The following NTRK3 variants were observed in gnomAD, a reference collection of about 807,000 sequenced individuals.
NTRK3 encodes the protein neurotrophic receptor tyrosine kinase 3, also known as NT-3 growth factor receptor.
A neutral mutation model predicts 91.7 loss-of-function variants in NTRK3; 24 were observed. That is an observed-to-expected ratio of 0.26 (90% confidence interval 0.19 to 0.37). The LOEUF (loss-of-function observed/expected upper bound fraction) is 0.37, where lower values mean the gene tolerates loss of function less well. Among genes scored for constraint, NTRK3 ranks in the 10% least tolerant of loss-of-function variants. The probability of loss-of-function intolerance (pLI) is 1.00; values close to 1 mark genes in which losing one functional copy is unlikely to be tolerated. For missense variants in NTRK3, 880 were observed against 1,068.9 expected, an observed-to-expected ratio of 0.82 and a Z score of 2.46; for synonymous variants, 483 against 404.0, an observed-to-expected ratio of 1.20 and a Z score of -2.34.
At chr15:88,231,051 G>T (rs934554274) in intron 3 of NTRK3, among the ~76,000 whole-genome samples, 2 of 152,126 alleles carry the variant, frequency 1.3e-5, no homozygotes, top group African/African-American at 4.8e-5. Flanking sequence ...CTGATTAGAG[G>T]GAGGATGTCT....
chr15:88,009,529 T>C (rs1012808764), intron 14 of NTRK3, among the ~76,000 whole-genome samples: 2 of 152,184 alleles, frequency 1.3e-5, no homozygotes, highest in African/African-American at 4.8e-5. Flanking sequence ...AATGCAGAGA[T>C]TTTTTTGTGT....
At chr15:87,961,614 T>A (rs537515198) in intron 14 of NTRK3, among the ~76,000 whole-genome samples, 1 of 152,226 alleles carries the variant, frequency 6.6e-6, no homozygotes, top group East Asian at 1.9e-4. Context: ...GTAAGTCAGG[T>A]CTGAAGTGGG....
At chr15:88,147,460 C>A (rs931355063) in intron 5 of NTRK3, 57 bp from the exon 6 acceptor site, 2 of 1,413,106 alleles carry the variant, frequency 1.4e-6, no homozygotes, top group African/African-American at 2.8e-5. Flanking sequence ...AAATAATGCT[C>A]TAGGTAGTAA....
intron 13 of NTRK3, among the ~76,000 whole-genome samples, chr15:88,094,271 C>G (rs1217825293): frequency 2.6e-5 from 4 of 151,206 alleles, no homozygotes. Flanking sequence ...TCGAGACCAT[C>G]CTGGCTAACA....
chr15:88,124,958 A>G (rs1309312815), intron 13 of NTRK3, among the ~76,000 whole-genome samples: 1 of 152,230 alleles, frequency 6.6e-6, no homozygotes, highest in Non-Finnish European at 1.5e-5. Context: ...TTCTGGAAAC[A>G]GGGCACCCTG....
At position 88,125,165 on chromosome 15, in the gene NTRK3, A is replaced by G. The variant is rs2053152867; in HGVS notation, c.1396+1106T>C. Among the ~76,000 whole-genome samples, 4 of 152,302 alleles carry G rather than the reference A, an allele frequency of 2.6e-5. No homozygotes were observed. The South Asian group carries it at 8.3e-4, about 32-fold the overall frequency. The stretch of plus-strand genomic sequence containing the variant: ...ATCCTCTCTGGGTATTTCCCTATAT[A>G]TCAGTGTTCTGAATTTTCAAGGAGT... On this transcript the variant is annotated intron_variant, in intron 13 of 18. Coordinates refer to ENST00000394480, the Ensembl canonical transcript of NTRK3.
chr15:88,219,894 C>T (rs970333670), intron 3 of NTRK3, among the ~76,000 whole-genome samples: 1 of 152,220 alleles, frequency 6.6e-6, no homozygotes, highest in Admixed American at 6.5e-5. Flanking sequence ...TGCAAAATGG[C>T]TTGCCCAAGG....
At chr15:88,131,962 G>A (rs1008074582) in intron 10 of NTRK3, 1 of 202,964 alleles carries the variant, frequency 4.9e-6, no homozygotes, top group Non-Finnish European at 1.0e-5. Flanking sequence ...CATGAACTGG[G>A]GCTGTGCCAT....
At chr15:87,916,409 C>G in intron 17 of NTRK3, 1 of 659,244 alleles carries the variant, frequency 1.5e-6, no homozygotes, top group Non-Finnish European at 2.8e-6. Context: ...ACGTGAATGA[C>G]TCAACACCAG....
chr15:87,869,898 AAT>A (rs2064778174), exon 19 of NTRK3: 1 of 190,646 alleles, frequency 5.2e-6, no homozygotes, highest in African/African-American at 2.3e-5. Flanking sequence ...TTTTAAAAAT[AAT>A]ATGTGAAACT....
At chr15:87,881,590 T>G (rs1252548411) in intron 17 of NTRK3, among the ~76,000 whole-genome samples, 1 of 151,936 alleles carries the variant, frequency 6.6e-6, no homozygotes. Flanking sequence ...CGGCTAATTT[T>G]TTGTATTTTT....
At position 88,255,605 on chromosome 15, in the gene NTRK3, C is replaced by T. The variant is rs1054435666; in HGVS notation, c.248+301G>A. Among the ~76,000 whole-genome samples, 1 of 152,144 alleles carries T rather than the reference C, an allele frequency of 6.6e-6. No homozygotes were observed. Among genetic ancestry groups the T allele is most frequent in the East Asian group, 1.9e-4 (1 of 5,170 alleles). On this transcript the variant is annotated intron_variant, in intron 3 of 18. Transcript: ENST00000394480. This position sits in a 1 kb window ranked among gnomAD's most constrained non-coding sequence, Gnocchi z 4.3. ...AAAAAAACAATTTGCACCATCGAAA[C>T]GAGCCAGCAACTGGTTGGGAGGCGG...
At chr15:88,137,177 T>C (rs2041955209) in intron 7 of NTRK3, among the ~76,000 whole-genome samples, 1 of 152,232 alleles carries the variant, frequency 6.6e-6, no homozygotes, top group Non-Finnish European at 1.5e-5. Context: ...ATTTAACTCC[T>C]GTGTGAATTC....
At chr15:88,185,180 C>T (rs1233890863) in intron 3 of NTRK3, among the ~76,000 whole-genome samples, 1 of 152,194 alleles carries the variant, frequency 6.6e-6, no homozygotes, top group Non-Finnish European at 1.5e-5. Context: ...CTAGCAAGCA[C>T]ACTACATCTA....
intron 17 of NTRK3, among the ~76,000 whole-genome samples, chr15:87,912,073 A>C (rs1000421385): frequency 2.0e-5 from 3 of 152,206 alleles, no homozygotes; most frequent in African/African-American, 7.2e-5. Flanking sequence ...GTTTCACTGA[A>C]TCTGTGTTAC....
chr15:88,136,090 G>A, intron 8 of NTRK3, 50 bp from the exon 9 acceptor site: 8 of 1,606,264 alleles, frequency 5.0e-6, no homozygotes, highest in Non-Finnish European at 6.0e-6. Flanking sequence ...TACAAGGATG[G>A]CTCTGCTACC....
At chr15:88,113,674 C>A (rs1160996936) in intron 13 of NTRK3, among the ~76,000 whole-genome samples, 1 of 152,040 alleles carries the variant, frequency 6.6e-6, no homozygotes, top group African/African-American at 2.4e-5. Context: ...GCCTGCAGGC[C>A]AAATCTGGCC....
At chr15:87,995,859 A>C (rs1039874070) in intron 14 of NTRK3, among the ~76,000 whole-genome samples, 4 of 152,214 alleles carry the variant, frequency 2.6e-5, no homozygotes, top group African/African-American at 9.6e-5. Flanking sequence ...AGTCCCAATA[A>C]ATTTATTTAG....
In NTRK3 at chr15:87,885,681, CT is replaced by C; in HGVS notation, c.2134-5254del. On this transcript the variant is annotated intron_variant, in intron 17 of 18. Coordinates refer to ENST00000394480, the Ensembl canonical transcript of NTRK3. ...TGAACTATTCATTAAAAAAAATACG[CT>C]TAGATACCTACCTCACACCATATAC... 7.3e-7 allele frequency: 1 copy of C among 1,377,244 alleles called. No homozygotes were observed. Among genetic ancestry groups the C allele is most frequent in the Non-Finnish European group, 9.8e-7 (1 of 1,021,716 alleles). The allele number at this position is 1,377,244 out of a possible 1,614,324, so 85.3% of individuals were successfully genotyped here.
Sources: gnomAD v4.1 joint callset for allele counts (sites outside exome capture counted in the v4.1 genomes callset) on GRCh38, gnomAD v4.1.1 for gene constraint, Gnocchi (gnomAD v3.1) non-coding constraint, MANE v1.5 for transcripts, NCBI Gene and HGNC (gene_info 2026-07-23, HGNC 2026-07-21) for gene names.